Variants in SUCLG1 observed in about 807,000 individuals in gnomAD.
SUCLG1 encodes succinate-CoA ligase GDP/ADP-forming subunit alpha.
In SUCLG1, 26 loss-of-function variants were observed where a neutral mutation model predicts 37.3. The ratio of observed to expected loss-of-function variants is 0.70; its 90% CI spans 0.51 to 0.97. The LOEUF (loss-of-function observed/expected upper bound fraction) is 0.97. Among genes scored for constraint, SUCLG1 ranks in the 50% least tolerant of loss-of-function variants. The pLI, the probability that SUCLG1 is intolerant of heterozygous loss-of-function variation, is 0.00. For synonymous variants in SUCLG1, 163 were observed against 155.6 expected (o/e 1.05, Z -0.36); for missense variants, 433 against 432.9 (o/e 1.00, Z 0.00).
intron 1 of SUCLG1, among the ~76,000 whole-genome samples, chr2:84,455,846 A>C (rs1013454045): frequency 7.2e-5 from 11 of 151,826 alleles, no homozygotes; most frequent in African/African-American, 2.4e-4. Context: ...AAAACAAAAA[A>C]AAAAAAAAAA....
intron 6 of SUCLG1, among the ~76,000 whole-genome samples, 181 bp from the exon 7 acceptor site, chr2:84,431,840 G>A (rs1672618402): frequency 6.6e-6 from 1 of 151,946 alleles, no homozygotes; most frequent in Non-Finnish European, 1.5e-5. Context: ...TATTTCTGTT[G>A]GTAATATTAT....
intron 1 of SUCLG1, among the ~76,000 whole-genome samples, chr2:84,451,773 C>T (rs1262260775): frequency 2.0e-5 from 3 of 152,174 alleles, no homozygotes; most frequent in African/African-American, 7.2e-5. Flanking sequence ...TGGGAAACCT[C>T]TAATGCACAG....
At chr2:84,448,848 A>G (rs1373991272) in intron 2 of SUCLG1, 2 of 234,978 alleles carry the variant, frequency 8.5e-6, no homozygotes, top group Non-Finnish European at 1.8e-5. Context: ...ATATAATTCT[A>G]TATAATAAAT....
chr2:84,451,799 C>T (rs902220313), intron 1 of SUCLG1, among the ~76,000 whole-genome samples: 2 of 147,990 alleles, frequency 1.4e-5, no homozygotes, highest in South Asian at 2.2e-4. Context: ...GATGTGTGTG[C>T]GCTCATGCAT....
chr2:84,446,419 G>A (rs558114951), intron 2 of SUCLG1, among the ~76,000 whole-genome samples: 3 of 152,296 alleles, frequency 2.0e-5, no homozygotes, highest in Non-Finnish European at 4.4e-5. Flanking sequence ...ATCATTTCAA[G>A]GACCTTCAAA....
chr2:84,427,302 C>T (rs1456005911), intron 7 of SUCLG1, among the ~76,000 whole-genome samples: 1 of 152,224 alleles, frequency 6.6e-6, no homozygotes, highest in African/African-American at 2.4e-5. Context: ...GTGGTAATTT[C>T]TTACAGGTTA....
intron 3 of SUCLG1, among the ~76,000 whole-genome samples, chr2:84,442,782 T>G (rs935375493): frequency 6.6e-6 from 1 of 152,226 alleles, no homozygotes; most frequent in African/African-American, 2.4e-5. Flanking sequence ...ACGGGACCAC[T>G]CTACTCCAAG....
chr2:84,449,003 A>G (rs756817844), intron 2 of SUCLG1: 27 of 350,532 alleles, frequency 7.7e-5, no homozygotes, highest in Non-Finnish European at 1.2e-4. Context: ...GCATTTTATT[A>G]TAGAATTGCA....
intron 1 of SUCLG1, among the ~76,000 whole-genome samples, chr2:84,456,372 C>A (rs1197818383): frequency 6.6e-6 from 1 of 152,168 alleles, no homozygotes; most frequent in Non-Finnish European, 1.5e-5. Context: ...ATTTCCTCAT[C>A]TGCCGTACAA....
At chr2:84,439,189 TAA>T (rs748791525) in intron 5 of SUCLG1, among the ~76,000 whole-genome samples, 3 of 139,794 alleles carry the variant, frequency 2.1e-5, no homozygotes, top group Admixed American at 1.4e-4. Context: ...TTCTTTTTTT[TAA>T]AAAAAAAAAA....
At chr2:84,437,080 T>G (rs1272027337) in intron 5 of SUCLG1, among the ~76,000 whole-genome samples, 1 of 152,188 alleles carries the variant, frequency 6.6e-6, no homozygotes, top group Non-Finnish European at 1.5e-5. Flanking sequence ...TCCCCTATTC[T>G]CAGTGCCTTT....
chr2:84,457,103 C>CT (rs1673032359), intron 1 of SUCLG1, among the ~76,000 whole-genome samples: 1 of 152,082 alleles, frequency 6.6e-6, no homozygotes. Flanking sequence ...TAAGTTGAAA[C>CT]TTAACAGAGG....
rs1315659509 is a variant in SUCLG1, at chr2:84,432,744, A to G, written c.673+608T>C. Reference sequence around the variant, plus strand: ...AGGTATTCTAAGAACTTGAAAGAATATTTATTAATATGAAAAGGAGGAATT... The same window carrying G: ...AGGTATTCTAAGAACTTGAAAGAATGTTTATTAATATGAAAAGGAGGAATT... On this transcript the variant is annotated intron_variant, in intron 6 of 8. Transcript: ENST00000393868. The G allele has an allele frequency of 2.0e-5, 3 of 152,402 alleles. No individual in the cohort carries two copies. The East Asian group carries it at 5.8e-4, about 29-fold the overall frequency. The allele number at this position is 152,402 out of a possible 1,614,324, so 9.4% of individuals were successfully genotyped here.
chr2:84,449,863 G>T, intron 1 of SUCLG1, 111 bp from the exon 2 acceptor site: 1 of 766,082 alleles, frequency 1.3e-6, no homozygotes, highest in Non-Finnish European at 2.1e-6. Flanking sequence ...TAATGCACGC[G>T]CTATCCTGTG....
rs1008312875 is a variant in SUCLG1, at chr2:84,437,898, T to C, written c.589+3149A>G. ...CTCAGTAATAAAAAGAAACAAACCA[T>C]TGATACACAACAAGCTGGATGAATC... On this transcript the variant is annotated intron_variant, in intron 5 of 8. Coordinates refer to ENST00000393868, the MANE Select transcript of SUCLG1 (RefSeq NM_003849.4). Among the ~76,000 whole-genome samples the C allele has an allele frequency of 1.3e-4, 20 of 152,280 alleles. 1 individual carries two copies. Among genetic ancestry groups the C allele is most frequent in the African/African-American group, 4.3e-4 (18 of 41,548 alleles).
At chr2:84,433,251 T>C in intron 6 of SUCLG1, 101 bp downstream of exon 6, 2 of 976,906 alleles carry the variant, frequency 2.0e-6, no homozygotes, top group Non-Finnish European at 3.2e-6. Context: ...TTCATAAGAG[T>C]ATCAAAATCT....
At chr2:84,425,017 A>C (rs1672512275) in intron 8 of SUCLG1, among the ~76,000 whole-genome samples, 1 of 152,166 alleles carries the variant, frequency 6.6e-6, no homozygotes, top group African/African-American at 2.4e-5. Context: ...CTCTCCCTAG[A>C]AACAGAAACC....
intron 7 of SUCLG1, 88 bp downstream of exon 7, chr2:84,431,420 A>T (rs1297546891): frequency 2.6e-6 from 4 of 1,563,876 alleles, no homozygotes; most frequent in Non-Finnish European, 3.5e-6. Flanking sequence ...TTCTCAAAAA[A>T]TTCACCTTTG....
chr2:84,441,585 C>G, intron 3 of SUCLG1, 126 bp from the exon 4 acceptor site: 4 of 1,087,692 alleles, frequency 3.7e-6, no homozygotes, highest in Non-Finnish European at 5.5e-6. Context: ...ACATAGCATT[C>G]TTCCCATTCT....
Sources: allele counts gnomAD v4.1 joint callset (sites outside exome capture counted in the v4.1 genomes callset), GRCh38; gene constraint gnomAD v4.1.1; transcripts MANE v1.5; gene names NCBI Gene and HGNC (gene_info 2026-07-23, HGNC 2026-07-21).